GRPEL2: variants seen among roughly 807,000 people sequenced by gnomAD.
The protein encoded by GRPEL2 is GrpE like 2, mitochondrial.
GRPEL2 carries 18 observed loss-of-function variants against 25.9 expected under a neutral mutation model. The ratio of observed to expected loss-of-function variants is 0.70; its 90% CI spans 0.48 to 1.03. The LOEUF is 1.03. Among genes scored for constraint, GRPEL2 ranks in the 50% least tolerant of loss-of-function variants. The pLI, the probability that GRPEL2 is intolerant of heterozygous loss-of-function variation, is 0.00. For synonymous variants in GRPEL2, 106 were observed against 107.9 expected (o/e 0.98, Z 0.11); for missense variants, 247 against 276.2 (o/e 0.89, Z 0.75).
Position 149,348,259 on chromosome 5 carries a change from C to T in GRPEL2, c.78-13C>T. The T allele has an allele frequency of 2.5e-6, 4 of 1,582,264 alleles. No individual in the cohort carries two copies. The highest frequency in any genetic ancestry group is 2.3e-4 in the Middle Eastern group (1 of 4,396). On this transcript the variant is annotated splice_polypyrimidine_tract_variant and intron_variant, in intron 1 of 3. Transcript: ENST00000329271. ...GCATTTCTTCATTATGTGCCACCTCCTTCCTGTTTTAGGGGATGGCCGCTT... is the reference window on the plus strand; with the variant it reads ...GCATTTCTTCATTATGTGCCACCTCTTTCCTGTTTTAGGGGATGGCCGCTT...
intron 1 of GRPEL2, chr5:149,345,899 C>T (rs192646776): frequency 0.01 from 4,739 of 456,108 alleles, 46 homozygotes; most frequent in South Asian, 0.026. Flanking sequence ...GGATGTACCA[C>T]TCTCCCGGCC....
At chr5:149,347,271 C>T (rs1757705286) in intron 1 of GRPEL2, among the ~76,000 whole-genome samples, 2 of 152,188 alleles carry the variant, frequency 1.3e-5, no homozygotes. Flanking sequence ...GCCCAGGATG[C>T]TCTTCCCTTT....
At chr5:149,350,016 C>T (rs1464481876) in intron 3 of GRPEL2, among the ~76,000 whole-genome samples, 1 of 152,072 alleles carries the variant, frequency 6.6e-6, no homozygotes, top group East Asian at 1.9e-4. Context: ...TACACTCCAG[C>T]CTGGTCAACA....
At chr5:149,347,194 G>A (rs1385624299) in intron 1 of GRPEL2, among the ~76,000 whole-genome samples, 4 of 152,142 alleles carry the variant, frequency 2.6e-5, no homozygotes, top group Admixed American at 1.3e-4. Flanking sequence ...TTGAATTTAA[G>A]ATCAGCTTGG....
intron 1 of GRPEL2, among the ~76,000 whole-genome samples, chr5:149,347,312 C>G (rs1261927922): frequency 6.6e-6 from 1 of 152,208 alleles, no homozygotes; most frequent in Non-Finnish European, 1.5e-5. Context: ...CCTCTTTAAG[C>G]CTTTGCTCAG....
Position 149,354,116 on chromosome 5 carries a change from T to G in GRPEL2, c.*2834T>G, listed in dbSNP as rs1191584197. The G allele has an allele frequency of 6.6e-6, 1 of 152,250 alleles. No homozygotes were observed. The highest frequency in any genetic ancestry group is 2.4e-5 in the African/African-American group (1 of 41,474). The allele number at this position is 152,250 out of a possible 1,614,324, so 9.4% of individuals were successfully genotyped here. On this transcript the variant is annotated 3_prime_UTR_variant, in exon 4 of 4. Transcript: ENST00000329271. The stretch of plus-strand genomic sequence containing the variant: ...GTTAATGATGAGTAGAAAAAACTTG[T>G]AAGCTAATCATTCACTGACTTATTT...
In GRPEL2 at chr5:149,352,837, G is replaced by A. The variant is rs1218151929; in HGVS notation, c.*1555G>A. 1 of 152,114 alleles carries A rather than the reference G, an allele frequency of 6.6e-6. No individual in the cohort carries two copies. Among genetic ancestry groups the A allele is most frequent in the Non-Finnish European group, 1.5e-5 (1 of 68,024 alleles). 9.4% of individuals were successfully genotyped at this position (152,114 alleles called of 1,614,324 possible). A position where few individuals can be genotyped will look rare whatever the true frequency, so the allele number is the denominator to read the frequency against. ...ACTAAATTCCAGTGAGAGTATGAAT[G>A]AAGAACAACTAGATATTAATGTCAA... is the stretch of plus-strand genomic sequence containing the variant. On this transcript the variant is annotated 3_prime_UTR_variant, in exon 4 of 4. Coordinates refer to ENST00000329271, the MANE Select transcript of GRPEL2 (RefSeq NM_152407.4).
intron 2 of GRPEL2, 44 bp from the exon 3 acceptor site, chr5:149,349,610 A>G (rs770882934): frequency 2.0e-5 from 26 of 1,324,066 alleles, no homozygotes; most frequent in Non-Finnish European, 2.7e-5. Context: ...TCCACCAATA[A>G]GTATTTGTTT....
At chr5:149,350,780 T>C in intron 3 of GRPEL2, 138 bp from the exon 4 acceptor site, 3 of 828,396 alleles carry the variant, frequency 3.6e-6, no homozygotes, top group Non-Finnish European at 5.8e-6. Flanking sequence ...AGTGATGATC[T>C]CTGAGTCCTG....
At position 149,352,096 on chromosome 5, in the gene GRPEL2, T is replaced by A. The variant is rs762854491; in HGVS notation, c.*814T>A. 8 of 152,234 alleles carry A rather than the reference T, an allele frequency of 5.3e-5. No individual in the cohort carries two copies. Among genetic ancestry groups the A allele is most frequent in the Admixed American group, 5.2e-4 (8 of 15,284 alleles). The allele number at this position is 152,234 out of a possible 1,614,324, so 9.4% of individuals were successfully genotyped here. A position where few individuals can be genotyped will look rare whatever the true frequency, so the allele number is the denominator to read the frequency against. Reference sequence around the variant, plus strand: ...ATTTGGGTAATTTACCTACAACTTATTCCACCAGCCTTTACTCCTCTGCCC... The same window carrying A: ...ATTTGGGTAATTTACCTACAACTTAATCCACCAGCCTTTACTCCTCTGCCC... On this transcript the variant is annotated 3_prime_UTR_variant, in exon 4 of 4. Transcript: ENST00000329271.
rs544626252 is a variant in GRPEL2 at position 149,352,797 on chromosome 5, ATC to A, written c.*1519_*1520del. 95 of 152,332 alleles carry A rather than the reference ATC, an allele frequency of 6.2e-4. No individual in the cohort carries two copies. The highest frequency in any genetic ancestry group is 2.2e-3 in the African/African-American group (93 of 41,568). The allele number at this position is 152,332 out of a possible 1,614,324, so 9.4% of individuals were successfully genotyped here. Reference sequence around the variant, plus strand: ...TTTAGGACTGGACACAAGGAAAATAATCTCTAAACTATTGACTAAATTCCAGT... The same window carrying A: ...TTTAGGACTGGACACAAGGAAAATAATCTAAACTATTGACTAAATTCCAGT... On this transcript the variant is annotated 3_prime_UTR_variant, in exon 4 of 4. Coordinates refer to ENST00000329271, the MANE Select transcript of GRPEL2 (RefSeq NM_152407.4).
intron 3 of GRPEL2, 73 bp from the exon 4 acceptor site, chr5:149,350,841 TAGGC>T: frequency 6.7e-7 from 1 of 1,494,166 alleles, no homozygotes; most frequent in Non-Finnish European, 9.1e-7. Flanking sequence ...GCCGTCTATC[TAGGC>T]CTTACCCAAA....
rs1177663072 is a variant in GRPEL2 at position 149,353,243 on chromosome 5, A to C, written c.*1961A>C. On this transcript the variant is annotated 3_prime_UTR_variant, in exon 4 of 4. Transcript: ENST00000329271. ...AACATCTTTTGGCATTCCACTAAGT[A>C]TATATTGTAAATTTAATGAACAATC... The C allele has an allele frequency of 6.6e-6, 1 of 152,670 alleles. No individual in the cohort carries two copies. Among genetic ancestry groups the C allele is most frequent in the East Asian group, 1.9e-4 (1 of 5,200 alleles). The allele number at this position is 152,670 out of a possible 1,614,324, so 9.5% of individuals were successfully genotyped here.
At chr5:149,346,060 G>C (rs977470758) in intron 1 of GRPEL2, among the ~76,000 whole-genome samples, 5 of 152,228 alleles carry the variant, frequency 3.3e-5, no homozygotes, top group Non-Finnish European at 7.3e-5. Flanking sequence ...AACGGCCATT[G>C]CATCAGCCTT....
In GRPEL2 at chr5:149,349,923, A is replaced by C. The variant is rs1208123403; in HGVS notation, c.313+188A>C. ...GCTAGGCATGGTGGCAGGCGCCTGT[A>C]ATCCCAGCTACTCTGGAGGCTGAGG... On this transcript the variant is annotated intron_variant, in intron 3 of 3. Coordinates refer to ENST00000329271, the MANE Select transcript of GRPEL2 (RefSeq NM_152407.4). The C allele has an allele frequency of 1.0e-5, 6 of 581,248 alleles. No homozygotes were observed. The African/African-American group carries it at 1.1e-4, about 11-fold the overall frequency. The allele number at this position is 581,248 out of a possible 1,614,324, so 36.0% of individuals were successfully genotyped here. A position where few individuals can be genotyped will look rare whatever the true frequency, so the allele number is the denominator to read the frequency against.
intron 3 of GRPEL2, among the ~76,000 whole-genome samples, chr5:149,350,615 T>C (rs968054714): frequency 6.6e-5 from 10 of 152,232 alleles, no homozygotes; most frequent in Non-Finnish European, 1.3e-4. Flanking sequence ...TTCATGTACA[T>C]AAAAATAGTT....
chr5:149,347,413 A>G (rs1757706694), intron 1 of GRPEL2, among the ~76,000 whole-genome samples: 1 of 152,302 alleles, frequency 6.6e-6, no homozygotes, highest in East Asian at 1.9e-4. Context: ...TTTCAAGATA[A>G]TTTTACTTAC....
In GRPEL2 at chr5:149,353,781, A is replaced by G. The variant is rs1372753142; in HGVS notation, c.*2499A>G. The stretch of plus-strand genomic sequence containing the variant: ...AAATTTAGAATTAGAAGATGAAGCT[A>G]TAGTAGTAAGAATCTCAAGCTGAAG... On this transcript the variant is annotated 3_prime_UTR_variant, in exon 4 of 4. Coordinates refer to ENST00000329271, the MANE Select transcript of GRPEL2 (RefSeq NM_152407.4). 1 of 152,226 alleles carries G rather than the reference A, an allele frequency of 6.6e-6. No individual in the cohort carries two copies. Among genetic ancestry groups the G allele is most frequent in the Admixed American group, 6.5e-5 (1 of 15,284 alleles). 9.4% of individuals were successfully genotyped at this position (152,226 alleles called of 1,614,324 possible). A position where few individuals can be genotyped will look rare whatever the true frequency, so the allele number is the denominator to read the frequency against.
Position 149,351,248 on chromosome 5 carries a change from T to C in GRPEL2, c.644T>C (p.Val215Ala). The C allele has an allele frequency of 1.2e-6, 2 of 1,611,082 alleles. No individual in the cohort carries two copies. Among genetic ancestry groups the C allele is most frequent in the Non-Finnish European group, 1.7e-6 (2 of 1,177,542 alleles). Residue 215 changes from valine (V) to alanine (A), a missense_variant, in exon 4 of 4, where the codon GTG becomes GCG. Transcript: ENST00000329271. ...GGCCGCACCATTAGGCTTGCCCGAG[T>C]GGAAGTGGCAGTGGAGTCTCAGAGA... The part of the protein sequence containing the change: ...LHGRTIRLAR[V>A]EVAVESQRRL
Sources: gnomAD v4.1 joint callset for allele counts (sites outside exome capture counted in the v4.1 genomes callset) on GRCh38, gnomAD v4.1.1 for gene constraint, MANE v1.5 for transcripts, NCBI Gene and HGNC (gene_info 2026-07-23, HGNC 2026-07-21) for gene names.